COLQ: variants seen among roughly 807,000 people sequenced by gnomAD.
The protein encoded by COLQ is collagen like tail subunit of asymmetric acetylcholinesterase, also known as acetylcholinesterase collagenic tail peptide.
Under a neutral mutation model 69.0 loss-of-function variants are expected in COLQ, and 48 were observed. The ratio of observed to expected loss-of-function variants is 0.70; its 90% CI spans 0.55 to 0.88. The LOEUF (loss-of-function observed/expected upper bound fraction) is 0.88. COLQ is among the 40% of genes least tolerant of loss of function. The probability of loss-of-function intolerance (pLI) is 0.00; values close to 1 mark genes in which losing one functional copy is unlikely to be tolerated. For synonymous variants in COLQ, 217 were observed against 211.2 expected (o/e 1.03, Z -0.24); for missense variants, 618 against 594.6 (o/e 1.04, Z -0.41).
intron 6 of COLQ, among the ~76,000 whole-genome samples, chr3:15,475,778 G>A (rs1264772600): frequency 2.0e-5 from 3 of 152,156 alleles, no homozygotes; most frequent in Admixed American, 1.3e-4. Context: ...TTTTCCTAGC[G>A]AGGATAGTGA....
At chr3:15,510,932 C>T (rs550676912) in intron 1 of COLQ, among the ~76,000 whole-genome samples, 10 of 152,234 alleles carry the variant, frequency 6.6e-5, no homozygotes, top group African/African-American at 1.4e-4. Context: ...TAATGGGTTA[C>T]GGAGACTCAC....
intron 3 of COLQ, among the ~76,000 whole-genome samples, chr3:15,486,252 C>T (rs559858971): frequency 6.6e-6 from 1 of 152,176 alleles, no homozygotes; most frequent in Non-Finnish European, 1.5e-5. Flanking sequence ...GCAGATGACC[C>T]ACTCCGTTCA....
intron 2 of COLQ, 149 bp downstream of exon 2, chr3:15,489,376 G>A: frequency 8.2e-6 from 6 of 734,664 alleles, no homozygotes; most frequent in Non-Finnish European, 1.5e-5. Context: ...CCATTCCGGG[G>A]CTCAACTTCT....
At chr3:15,456,091 G>A in intron 14 of COLQ, 72 bp from the exon 15 acceptor site, 2 of 1,586,452 alleles carry the variant, frequency 1.3e-6, no homozygotes, top group Non-Finnish European at 1.7e-6. Flanking sequence ...GAGGTCATTG[G>A]TTTTGGTCCA....
At chr3:15,520,188 T>C (rs1026122905) in intron 1 of COLQ, among the ~76,000 whole-genome samples, 1 of 152,240 alleles carries the variant, frequency 6.6e-6, no homozygotes, top group East Asian at 1.9e-4. Flanking sequence ...GAATAATGAC[T>C]ACTCACTCCT....
At position 15,450,712 on chromosome 3, in the gene COLQ, G is replaced by A. The variant is rs983298658; in HGVS notation, c.*932C>T. Reference sequence around the variant, plus strand: ...TCTGGCCAGGAACGCTCTGCCTAGAGAGAGCCCTCTGCAGCTGGCCCTAGA... The same window carrying A: ...TCTGGCCAGGAACGCTCTGCCTAGAAAGAGCCCTCTGCAGCTGGCCCTAGA... On this transcript the variant is annotated 3_prime_UTR_variant, in exon 17 of 17. Coordinates refer to ENST00000383788, the MANE Select transcript of COLQ (RefSeq NM_005677.4). The A allele has an allele frequency of 1.3e-5, 2 of 152,540 alleles. No individual in the cohort carries two copies. Among genetic ancestry groups the A allele is most frequent in the Non-Finnish European group, 2.9e-5 (2 of 68,152 alleles). The allele number at this position is 152,540 out of a possible 1,614,324, so 9.4% of individuals were successfully genotyped here. A position where few individuals can be genotyped will look rare whatever the true frequency, so the allele number is the denominator to read the frequency against.
At chr3:15,508,006 G>A (rs1396038427) in intron 1 of COLQ, among the ~76,000 whole-genome samples, 1 of 152,242 alleles carries the variant, frequency 6.6e-6, no homozygotes, top group East Asian at 1.9e-4. Context: ...TGGTGGTTCA[G>A]TGGTAGAATT....
At chr3:15,459,244 C>T (rs1016393144) in intron 12 of COLQ, among the ~76,000 whole-genome samples, 1 of 152,166 alleles carries the variant, frequency 6.6e-6, no homozygotes, top group African/African-American at 2.4e-5. Flanking sequence ...TTACCCTCCC[C>T]TGGTGCTGAA....
intron 3 of COLQ, among the ~76,000 whole-genome samples, chr3:15,482,530 C>T (rs1341503210): frequency 5.9e-5 from 9 of 152,160 alleles, no homozygotes; most frequent in East Asian, 3.9e-4. Context: ...TTGCATATGT[C>T]GAACCAGCCT....
At chr3:15,511,824 A>G (rs1178254888) in intron 1 of COLQ, among the ~76,000 whole-genome samples, 1 of 152,136 alleles carries the variant, frequency 6.6e-6, no homozygotes. Flanking sequence ...CGGTCTCAGA[A>G]GCCAAGCTGG....
chr3:15,515,393 G>A (rs1169856647), intron 1 of COLQ, among the ~76,000 whole-genome samples: 1 of 152,174 alleles, frequency 6.6e-6, no homozygotes, highest in Non-Finnish European at 1.5e-5. Flanking sequence ...CACAGTAGGG[G>A]CTACTGTGAA....
intron 1 of COLQ, among the ~76,000 whole-genome samples, chr3:15,508,261 G>A (rs1277436412): frequency 2.0e-5 from 3 of 152,132 alleles, no homozygotes; most frequent in African/African-American, 7.2e-5. Context: ...GCCTGCCAAC[G>A]CCAGCTGTCA....
At chr3:15,453,119 C>A (rs888312414) in intron 16 of COLQ, among the ~76,000 whole-genome samples, 1 of 152,214 alleles carries the variant, frequency 6.6e-6, no homozygotes, top group African/African-American at 2.4e-5. Flanking sequence ...GAGACATGTA[C>A]CTTCTGCACC....
At chr3:15,504,138 C>T (rs930397986) in intron 1 of COLQ, among the ~76,000 whole-genome samples, 2 of 151,956 alleles carry the variant, frequency 1.3e-5, no homozygotes, top group East Asian at 3.9e-4. Flanking sequence ...GACAAATCTG[C>T]AACTCACTTG....
intron 1 of COLQ, among the ~76,000 whole-genome samples, chr3:15,512,418 T>C (rs914825034): frequency 3.9e-5 from 6 of 152,166 alleles, no homozygotes; most frequent in African/African-American, 1.4e-4. Flanking sequence ...TAAATGCTCC[T>C]GGGCTGGGAG....
chr3:15,518,188 C>T (rs2063087726), intron 1 of COLQ, among the ~76,000 whole-genome samples: 1 of 152,164 alleles, frequency 6.6e-6, no homozygotes, highest in African/African-American at 2.4e-5. Context: ...TCAGGTGATC[C>T]ACCCACCTCA....
intron 1 of COLQ, among the ~76,000 whole-genome samples, chr3:15,511,793 T>C (rs182198791): frequency 1.8e-4 from 27 of 152,190 alleles, no homozygotes; most frequent in Admixed American, 1.6e-3. Context: ...GGCCACTCCA[T>C]GAGGTCCACC....
At chr3:15,464,137 G>GT (rs2062162784) in intron 12 of COLQ, among the ~76,000 whole-genome samples, 1 of 110,756 alleles carries the variant, frequency 9.0e-6, no homozygotes, top group Admixed American at 9.6e-5. Flanking sequence ...TATGAGGAAG[G>GT]AGGGGTCAGG....
chr3:15,451,618 C>T lies in COLQ; in HGVS notation c.*26G>A, dbSNP rs956980523. On this transcript the variant is annotated 3_prime_UTR_variant, in exon 17 of 17. Coordinates refer to ENST00000383788, the MANE Select transcript of COLQ (RefSeq NM_005677.4). ...AGAAGCTGCTGCCAGTTCTGTGGGG[C>T]GCAGCCCACCTTCTCCTCACGGCCC... is the stretch of plus-strand genomic sequence containing the variant. 5.0e-6 allele frequency: 8 copies of T among 1,610,558 alleles called. No homozygotes were observed. The highest frequency in any genetic ancestry group is 2.2e-5 in the East Asian group (1 of 44,886).
Sources: allele counts gnomAD v4.1 joint callset (sites outside exome capture counted in the v4.1 genomes callset), GRCh38; gene constraint gnomAD v4.1.1; transcripts MANE v1.5; gene names NCBI Gene and HGNC (gene_info 2026-07-23, HGNC 2026-07-21).